CADM2: variants seen among roughly 807,000 people sequenced by gnomAD.
The protein encoded by CADM2 is immunoglobulin superfamily member 4D.
A neutral mutation model predicts 49.8 loss-of-function variants in CADM2; 12 were observed. The observed-to-expected ratio is 0.24, with a 90% CI of 0.15 to 0.39. The LOEUF (loss-of-function observed/expected upper bound fraction) is 0.39, where lower values mean the gene tolerates loss of function less well. CADM2 is among the 10% of genes least tolerant of loss of function. CADM2 has a pLI of 1.00. For synonymous variants in CADM2, 214 were observed against 175.4 expected, an observed-to-expected ratio of 1.22 and a Z score of -1.74; for missense variants, 378 against 492.3, an observed-to-expected ratio of 0.77 and a Z score of 2.20.
chr3:85,863,710 G>A (rs570235318), intron 3 of CADM2, among the ~76,000 whole-genome samples: 3 of 152,194 alleles, frequency 2.0e-5, no homozygotes, highest in Non-Finnish European at 2.9e-5. Context: ...TTATAGTAGC[G>A]AAAAATGATT....
chr3:85,606,831 C>G (rs779767110), intron 1 of CADM2, among the ~76,000 whole-genome samples: 1 of 151,768 alleles, frequency 6.6e-6, no homozygotes, highest in Non-Finnish European at 1.5e-5. Flanking sequence ...AAAATACTGT[C>G]AATTTGAGCT....
At chr3:85,224,552 G>T (rs2042110974) in intron 1 of CADM2, among the ~76,000 whole-genome samples, 1 of 152,176 alleles carries the variant, frequency 6.6e-6, no homozygotes, top group Admixed American at 6.5e-5. Context: ...TCTGTAGGTT[G>T]CTTGTTCACT....
At chr3:85,782,647 C>T (rs989885233) in intron 2 of CADM2, among the ~76,000 whole-genome samples, 6 of 146,670 alleles carry the variant, frequency 4.1e-5, no homozygotes, top group African/African-American at 1.3e-4. Context: ...CAGAATGAGA[C>T]TCAGTCTCAA....
At position 85,218,582 on chromosome 3, in the gene CADM2, G is replaced by A. The variant is rs566941764; in HGVS notation, c.61+258914G>A. 2.0e-5 allele frequency among the ~76,000 whole-genome samples: 3 copies of A among 152,250 alleles called. No homozygotes were observed. In the South Asian group the frequency reaches 6.2e-4, roughly 32 times the overall value. ...GGAGCCCGAGGTGGGTGGATCATGA[G>A]ATTAAGAGATAGAGACCATTCTGGC... On this transcript the variant is annotated intron_variant, in intron 1 of 9. Transcript: ENST00000383699.
intron 1 of CADM2, among the ~76,000 whole-genome samples, chr3:85,423,822 C>A (rs746169756): frequency 4.6e-5 from 7 of 152,208 alleles, no homozygotes; most frequent in Middle Eastern, 6.8e-3. Context: ...TACAGTGTAA[C>A]CATTTACTCG....
chr3:85,004,523 A>G (rs375858947), intron 1 of CADM2, among the ~76,000 whole-genome samples: 33 of 152,292 alleles, frequency 2.2e-4, no homozygotes, highest in East Asian at 1.2e-3. Context: ...TGCTAGGGAT[A>G]AAACACAGGG....
intron 3 of CADM2, among the ~76,000 whole-genome samples, chr3:85,857,002 A>C (rs2108309812): frequency 6.6e-6 from 1 of 152,256 alleles, no homozygotes; most frequent in South Asian, 2.1e-4. Flanking sequence ...ACAGAGATTT[A>C]TTTATTTCTT....
At chr3:85,164,379 G>T (rs966863397) in intron 1 of CADM2, among the ~76,000 whole-genome samples, 27 of 152,152 alleles carry the variant, frequency 1.8e-4, no homozygotes, top group South Asian at 1.2e-3. Context: ...CCTCTGAGAG[G>T]CCTTAAAGAG....
At chr3:85,275,679 CTT>C (rs1553703296) in intron 1 of CADM2, among the ~76,000 whole-genome samples, 3 of 151,052 alleles carry the variant, frequency 2.0e-5, no homozygotes, top group Non-Finnish European at 4.4e-5. Context: ...AAAATGTTCT[CTT>C]TTAATACATG....
chr3:85,476,805 C>A (rs1158864421), intron 1 of CADM2, among the ~76,000 whole-genome samples: 2 of 151,688 alleles, frequency 1.3e-5, no homozygotes, highest in Non-Finnish European at 2.9e-5. Context: ...CTAGTTTTAT[C>A]TATGTGTCAT....
In CADM2 at chr3:85,365,861, C is replaced by A. The variant is rs181562008; in HGVS notation, c.62-360661C>A. Reference sequence around the variant, plus strand: ...ATTGAAATTATCATGTGCATTCTGACCCTAATTGGGCAAGTTTTATATTAG... The same window carrying A: ...ATTGAAATTATCATGTGCATTCTGAACCTAATTGGGCAAGTTTTATATTAG... On this transcript the variant is annotated intron_variant, in intron 1 of 9. Transcript: ENST00000383699. Among the ~76,000 whole-genome samples the A allele has an allele frequency of 6.6e-5, 10 of 152,222 alleles. 1 individual carries two copies. The South Asian group carries it at 8.3e-4, about 13-fold the overall frequency.
chr3:85,831,187 G>C (rs1237029533), intron 3 of CADM2, among the ~76,000 whole-genome samples: 1 of 151,854 alleles, frequency 6.6e-6, no homozygotes, highest in Non-Finnish European at 1.5e-5. Context: ...CTTTATGGTT[G>C]TTTATCATTC....
chr3:85,432,847 T>C (rs191495266), intron 1 of CADM2, among the ~76,000 whole-genome samples: 172 of 152,234 alleles, frequency 1.1e-3, no homozygotes, highest in African/African-American at 4.1e-3. Context: ...TCTAATATCA[T>C]CCTAGTATTT....
intron 3 of CADM2, among the ~76,000 whole-genome samples, chr3:85,873,123 C>G (rs1341781546): frequency 6.6e-6 from 1 of 152,118 alleles, no homozygotes; most frequent in African/African-American, 2.4e-5. Context: ...TAAAATGCTC[C>G]ATAAGGAAGA....
chr3:85,596,736 A>C (rs542134399), intron 1 of CADM2, among the ~76,000 whole-genome samples: 10 of 152,180 alleles, frequency 6.6e-5, no homozygotes, highest in African/African-American at 2.2e-4. Context: ...ATGATTTCAC[A>C]GTAGAATTAT....
chr3:84,965,286 A>G (rs2030890172), intron 1 of CADM2, among the ~76,000 whole-genome samples: 1 of 152,174 alleles, frequency 6.6e-6, no homozygotes, highest in Non-Finnish European at 1.5e-5. Context: ...GTGGCAGCTG[A>G]AGCCCCCTGC....
intron 2 of CADM2, among the ~76,000 whole-genome samples, chr3:85,782,443 G>A (rs1308977434): frequency 6.6e-6 from 1 of 151,990 alleles, no homozygotes; most frequent in Non-Finnish European, 1.5e-5. Flanking sequence ...TTGGGAGGCT[G>A]AGGCGGGCGG....
At chr3:85,112,591 T>A (rs997181519) in intron 1 of CADM2, among the ~76,000 whole-genome samples, 6 of 151,898 alleles carry the variant, frequency 4.0e-5, no homozygotes, top group African/African-American at 1.2e-4. Context: ...TTTTAGTATG[T>A]GAATTATTAC....
intron 8 of CADM2, among the ~76,000 whole-genome samples, chr3:86,055,475 T>TG (rs1737829724): frequency 2.9e-5 from 4 of 136,292 alleles, no homozygotes; most frequent in Admixed American, 1.5e-4. Context: ...TTTTTTTTTT[T>TG]TTTTGGTTTT....
Sources: gnomAD v4.1 joint callset for allele counts (sites outside exome capture counted in the v4.1 genomes callset) on GRCh38, gnomAD v4.1.1 for gene constraint, MANE v1.5 for transcripts, NCBI Gene and HGNC (gene_info 2026-07-23, HGNC 2026-07-21) for gene names.